Variants in CCDC91 observed in about 807,000 individuals in gnomAD.
CCDC91 encodes the protein coiled-coil domain-containing protein 91.
Under a neutral mutation model 63.2 loss-of-function variants are expected in CCDC91, and 48 were observed. The ratio of observed to expected loss-of-function variants is 0.76; its 90% confidence interval spans 0.60 to 0.97. CCDC91 has a LOEUF of 0.97. CCDC91 is among the 50% of genes least tolerant of loss of function. The pLI is 0.00. For missense variants in CCDC91, 500 were observed against 494.6 expected, an observed-to-expected ratio of 1.01 and a Z score of -0.10; for synonymous variants, 167 against 165.8, an observed-to-expected ratio of 1.01 and a Z score of -0.06.
At chr12:28,438,193 T>C (rs1949008086) in intron 8 of CCDC91, among the ~76,000 whole-genome samples, 1 of 152,160 alleles carries the variant, frequency 6.6e-6, no homozygotes, top group African/African-American at 2.4e-5. Flanking sequence ...AAATTCCTAC[T>C]GCAACTTCAG....
At chr12:28,544,162 C>A (rs1024350853) in intron 12 of CCDC91, among the ~76,000 whole-genome samples, 28 of 151,854 alleles carry the variant, frequency 1.8e-4, no homozygotes, top group African/African-American at 6.8e-4. Flanking sequence ...TATGCTCTGG[C>A]CTCCATCTAC....
chr12:28,390,550 G>A (rs1445511679), intron 7 of CCDC91, among the ~76,000 whole-genome samples: 1 of 152,132 alleles, frequency 6.6e-6, no homozygotes, highest in African/African-American at 2.4e-5. Context: ...TAATAAGGAA[G>A]TGAGTGGGTG....
chr12:28,354,993 C>T (rs770070489), intron 6 of CCDC91, among the ~76,000 whole-genome samples: 1 of 152,026 alleles, frequency 6.6e-6, no homozygotes, highest in Non-Finnish European at 1.5e-5. Flanking sequence ...TCCCTTCTCC[C>T]TCCTGCCTCT....
intron 1 of CCDC91, among the ~76,000 whole-genome samples, chr12:28,252,079 A>G (rs1946150199): frequency 2.6e-5 from 4 of 152,082 alleles, no homozygotes; most frequent in South Asian, 4.1e-4. Context: ...GCTGTAAATC[A>G]TTTTCCCCCA....
At chr12:28,270,433 TCAATGTGGCTGACAATA>T (rs1947684465) in intron 3 of CCDC91, among the ~76,000 whole-genome samples, 1 of 152,116 alleles carries the variant, frequency 6.6e-6, no homozygotes, top group Admixed American at 6.6e-5. Flanking sequence ...AAACTTTAAT[TCAATGTGGCTGACAATA>T]CAGCGTTGAC....
At position 28,227,905 on chromosome 12, in the gene CCDC91, T is replaced by A. The variant is rs1184113421; in HGVS notation, c.-14-29297T>A. Among the ~76,000 whole-genome samples the A allele has an allele frequency of 2.0e-5, 3 of 152,118 alleles. No homozygotes were observed. In the East Asian group the frequency reaches 5.8e-4, roughly 29 times the overall value. ...TACTTGATCTCACTATAGCATTGTT[T>A]TCTTATTGAAAAAGAGGAGGTGATA... is the stretch of plus-strand genomic sequence containing the variant. On this transcript the variant is annotated intron_variant, in intron 1 of 12. Transcript: ENST00000536442.
intron 6 of CCDC91, among the ~76,000 whole-genome samples, chr12:28,341,300 T>A (rs1350126211): frequency 6.6e-6 from 1 of 151,840 alleles, no homozygotes; most frequent in East Asian, 1.9e-4. Context: ...AAGGCAGGAG[T>A]GCCTGTCCTC....
intron 6 of CCDC91, among the ~76,000 whole-genome samples, chr12:28,318,286 C>G (rs529289519): frequency 1.3e-5 from 2 of 151,674 alleles, no homozygotes; most frequent in East Asian, 3.9e-4. Flanking sequence ...CTTTGGGAGG[C>G]TGTGGCAGGA....
At chr12:28,501,779 T>A (rs1592867008) in intron 12 of CCDC91, among the ~76,000 whole-genome samples, 1 of 151,958 alleles carries the variant, frequency 6.6e-6, no homozygotes, top group African/African-American at 2.4e-5. Flanking sequence ...TCAGAAGGAA[T>A]GGTACCAGTT....
intron 1 of CCDC91, among the ~76,000 whole-genome samples, chr12:28,220,861 A>T (rs1180493804): frequency 1.3e-5 from 2 of 152,074 alleles, no homozygotes; most frequent in African/African-American, 4.8e-5. Flanking sequence ...GCCTAAATAC[A>T]AATATTCTCT....
chr12:28,370,586 G>C (rs1944554961), intron 7 of CCDC91, among the ~76,000 whole-genome samples: 2 of 152,102 alleles, frequency 1.3e-5, no homozygotes, highest in South Asian at 4.1e-4. Flanking sequence ...CTTTTACCCA[G>C]TTCCCAATTT....
intron 1 of CCDC91, among the ~76,000 whole-genome samples, chr12:28,202,516 A>G (rs1260155607): frequency 1.3e-5 from 2 of 152,204 alleles, no homozygotes; most frequent in Admixed American, 6.5e-5. Context: ...AAGTCTCTGC[A>G]TGGTTAGTAC....
chr12:28,516,449 A>G (rs562269524), intron 12 of CCDC91, among the ~76,000 whole-genome samples: 60 of 151,976 alleles, frequency 3.9e-4, no homozygotes, highest in African/African-American at 1.4e-3. Flanking sequence ...CAAAAAATAC[A>G]AACATTAGTT....
At chr12:28,450,300 A>G (rs1433981440) in intron 9 of CCDC91, 47 bp downstream of exon 9, 2 of 1,582,510 alleles carry the variant, frequency 1.3e-6, no homozygotes, top group Non-Finnish European at 1.7e-6. Context: ...GTGTTCTGTT[A>G]CCTCAAATAA....
chr12:28,220,395 T>A lies in CCDC91; in HGVS notation c.-15+29754T>A, dbSNP rs1381764855. Among the ~76,000 whole-genome samples the A allele has an allele frequency of 3.9e-5, 6 of 152,110 alleles. No individual in the cohort carries two copies. In the East Asian group the frequency reaches 1.2e-3, roughly 29 times the overall value. On this transcript the variant is annotated intron_variant, in intron 1 of 12. Coordinates refer to ENST00000536442, the MANE Select transcript of CCDC91 (RefSeq NM_018318.5). ...TTCACAACAATATGCTTTTATTTCA[T>A]CTCTCATTGTGGTATTGATATGCAA...
chr12:28,486,114 T>A (rs1219743561), intron 12 of CCDC91, among the ~76,000 whole-genome samples: 1 of 152,182 alleles, frequency 6.6e-6, no homozygotes, highest in Non-Finnish European at 1.5e-5. Flanking sequence ...CGAAACTTTA[T>A]GCCATTGTTT....
intron 6 of CCDC91, among the ~76,000 whole-genome samples, chr12:28,328,779 A>C (rs1186740825): frequency 2.0e-5 from 3 of 152,014 alleles, no homozygotes; most frequent in Admixed American, 2.0e-4. Context: ...GTTAGATATG[A>C]TATAAACAGA....
At position 28,446,607 on chromosome 12, in the gene CCDC91, C is replaced by T. The variant is rs1296245318; in HGVS notation, c.763-3554C>T. ...CCTCCCAAGTAGCTGGGACTACAGG[C>T]TCATGCCACTATGCCCAACTAATTG... On this transcript the variant is annotated intron_variant, in intron 8 of 12. Transcript: ENST00000536442. 1.3e-5 allele frequency among the ~76,000 whole-genome samples: 2 copies of T among 152,096 alleles called. 1 individual carries two copies. The highest frequency in any genetic ancestry group is 3.9e-4 in the East Asian group (2 of 5,178).
chr12:28,349,011 A>G (rs1943006018), intron 6 of CCDC91, among the ~76,000 whole-genome samples: 1 of 152,228 alleles, frequency 6.6e-6, no homozygotes, highest in African/African-American at 2.4e-5. Flanking sequence ...GGTGTGAGCC[A>G]CCATGACTGG....
Sources: gnomAD v4.1 joint callset for allele counts (sites outside exome capture counted in the v4.1 genomes callset) on GRCh38, gnomAD v4.1.1 for gene constraint, MANE v1.5 for transcripts, NCBI Gene and HGNC (gene_info 2026-07-23, HGNC 2026-07-21) for gene names.